Variants in SGSM1 observed in about 807,000 individuals in gnomAD.
The protein encoded by SGSM1 is RUN and TBC1 domain containing 2.
In SGSM1, 73 loss-of-function variants were observed where a neutral mutation model predicts 133.8. That is an observed-to-expected ratio of 0.55 (90% CI 0.45 to 0.66). The LOEUF is 0.66. Ranked by LOEUF, SGSM1 falls within the 30% of genes least tolerant of loss-of-function variation. SGSM1 has a pLI of 0.00. For synonymous variants in SGSM1, 563 were observed against 573.0 expected (o/e 0.98, Z 0.25); for missense variants, 1,213 against 1,448.1 (o/e 0.84, Z 2.64).
chr22:24,890,035 C>A (rs1264180110), intron 16 of SGSM1, among the ~76,000 whole-genome samples: 2 of 149,878 alleles, frequency 1.3e-5, no homozygotes, highest in African/African-American at 4.9e-5. Context: ...CGGCTCACTG[C>A]AAGCTCTGCC....
intron 3 of SGSM1, among the ~76,000 whole-genome samples, chr22:24,845,940 C>A: frequency 7.6e-6 from 1 of 130,806 alleles, no homozygotes; most frequent in East Asian, 2.3e-4. Context: ...CTTTTCTTTT[C>A]TTTTCTTTCT....
intron 12 of SGSM1, among the ~76,000 whole-genome samples, chr22:24,875,732 A>G (rs1759063876): frequency 6.6e-6 from 1 of 152,206 alleles, no homozygotes. Flanking sequence ...AGTTGACTAT[A>G]GAAATGGTAA....
Position 24,822,088 on chromosome 22 carries a change from C to CTCTTTTTTTTTTTTTTTTTTTTTTTTT in SGSM1, c.63+15605_63+15606insCTTTTTTTTTTTTTTTTTTTTTTTTTT, listed in dbSNP as rs1555920070. Among the ~76,000 whole-genome samples, 9 of 96,132 alleles carry CTCTTTTTTTTTTTTTTTTTTTTTTTTT rather than the reference C, an allele frequency of 9.4e-5. 1 individual carries two copies. The highest frequency in any genetic ancestry group is 3.9e-4 in the East Asian group (1 of 2,542). 63.1% of individuals were successfully genotyped at this position (96,132 alleles called of 152,430 possible). A position where few individuals can be genotyped will look rare whatever the true frequency, so the allele number is the denominator to read the frequency against. ...CCATGCTCTACCTGTTCATCTCTCT[C>CTCTTTTTTTTTTTTTTTTTTTTTTTTT]TTTTTTTTTTTTTTTTTTTTGAGAC... On this transcript the variant is annotated intron_variant, in intron 2 of 24. Coordinates refer to ENST00000400358, the MANE Select transcript of SGSM1 (RefSeq NM_001098497.3).
chr22:24,900,414 T>TCTTTTTCTTTCTTTCTTTCTTTCTTA (rs1484572431), intron 19 of SGSM1, among the ~76,000 whole-genome samples: 1 of 146,162 alleles, frequency 6.8e-6, no homozygotes, highest in East Asian at 2.0e-4. Flanking sequence ...TTTCTGTATT[T>TCTTTTTCTTTCTTTCTTTCTTTCTTA]TTGAGACAGA....
intron 21 of SGSM1, among the ~76,000 whole-genome samples, chr22:24,909,412 G>A (rs1013217197): frequency 4.6e-5 from 7 of 151,914 alleles, no homozygotes; most frequent in African/African-American, 1.7e-4. Context: ...CATTGCTGGT[G>A]GAATTGTAAA....
chr22:24,882,373 T>C (rs1319169138), intron 14 of SGSM1, among the ~76,000 whole-genome samples: 1 of 152,072 alleles, frequency 6.6e-6, no homozygotes, highest in African/African-American at 2.4e-5. Context: ...CCCCGCCCTG[T>C]TTTTTATTTA....
chr22:24,926,851 T>G lies in SGSM1; in HGVS notation c.*2577T>G, dbSNP rs897088474. 3.0e-3 allele frequency: 142 copies of G among 47,206 alleles called. No individual in the cohort carries two copies. Among genetic ancestry groups the G allele is most frequent in the African/African-American group, 8.0e-3 (126 of 15,728 alleles). 2.9% of individuals were successfully genotyped at this position (47,206 alleles called of 1,614,324 possible). A position where few individuals can be genotyped will look rare whatever the true frequency, so the allele number is the denominator to read the frequency against. On this transcript the variant is annotated 3_prime_UTR_variant, in exon 25 of 25. Transcript: ENST00000400358. ...ATAAACAGAGAAATATGTGAATCTG[T>G]TTTTTTTTGTCTTTTTTTTTTTAAT...
intron 3 of SGSM1, 33 bp from the exon 4 acceptor site, chr22:24,847,601 G>A: frequency 2.5e-6 from 4 of 1,606,452 alleles, no homozygotes; most frequent in Non-Finnish European, 3.4e-6. Context: ...TGCATGGGCA[G>A]GGCAGGGTCT....
At chr22:24,836,940 T>C (rs1929462202) in intron 2 of SGSM1, among the ~76,000 whole-genome samples, 1 of 152,270 alleles carries the variant, frequency 6.6e-6, no homozygotes, top group Admixed American at 6.5e-5. Flanking sequence ...AGTTTACCTA[T>C]TTTTAATTTT....
intron 16 of SGSM1, among the ~76,000 whole-genome samples, chr22:24,887,396 A>C (rs776122833): frequency 1.3e-5 from 2 of 152,196 alleles, no homozygotes; most frequent in African/African-American, 4.8e-5. Flanking sequence ...TTCACTCAGC[A>C]TAAAACCTCA....
intron 2 of SGSM1, chr22:24,844,670 G>C (rs1422674154): frequency 1.9e-6 from 1 of 538,660 alleles, no homozygotes; most frequent in Non-Finnish European, 3.3e-6. Flanking sequence ...GCAGCCTGCT[G>C]TGTGAAGAAC....
At chr22:24,853,775 T>A (rs1930621500) in intron 5 of SGSM1, among the ~76,000 whole-genome samples, 1 of 114,804 alleles carries the variant, frequency 8.7e-6, no homozygotes, top group Non-Finnish European at 1.9e-5. Context: ...GTGAATTTTT[T>A]TTTTTTTTTT....
intron 2 of SGSM1, among the ~76,000 whole-genome samples, chr22:24,821,300 G>A (rs1005061717): frequency 5.9e-5 from 9 of 152,236 alleles, no homozygotes; most frequent in African/African-American, 2.2e-4. Context: ...GCCTCCCAAA[G>A]TGCTGGGATT....
chr22:24,886,229 C>A (rs991604651), intron 15 of SGSM1, among the ~76,000 whole-genome samples: 3 of 151,862 alleles, frequency 2.0e-5, no homozygotes, highest in African/African-American at 7.2e-5. Flanking sequence ...GGTGAAACCC[C>A]GTCTCTACTA....
chr22:24,894,643 G>T (rs1932874153), intron 17 of SGSM1, among the ~76,000 whole-genome samples: 2 of 152,168 alleles, frequency 1.3e-5, no homozygotes, highest in South Asian at 4.1e-4. Context: ...TGCCTGGGGT[G>T]ACTCAGCTGT....
intron 2 of SGSM1, among the ~76,000 whole-genome samples, chr22:24,812,184 A>AAAAAG (rs1927788896): frequency 6.6e-6 from 1 of 150,388 alleles, no homozygotes; most frequent in African/African-American, 2.5e-5. Context: ...AAAGAAAAAA[A>AAAAAG]AAAAGAAAAG....
At chr22:24,819,541 G>A (rs943316844) in intron 2 of SGSM1, among the ~76,000 whole-genome samples, 4 of 152,226 alleles carry the variant, frequency 2.6e-5, no homozygotes, top group African/African-American at 7.2e-5. Context: ...AAATAGCAGA[G>A]CTGGAGATTG....
chr22:24,881,418 TAG>T, intron 14 of SGSM1, among the ~76,000 whole-genome samples: 1 of 147,332 alleles, frequency 6.8e-6, no homozygotes, highest in Non-Finnish European at 1.5e-5. Context: ...TACAAAAAAT[TAG>T]TCGGGTGTGG....
chr22:24,912,715 T>A lies in SGSM1; in HGVS notation c.2891T>A (p.Met964Lys). 1 of 1,613,752 alleles carries A rather than the reference T, an allele frequency of 6.2e-7. No individual in the cohort carries two copies. The highest frequency in any genetic ancestry group is 8.5e-7 in the Non-Finnish European group (1 of 1,179,868). ...CAGAACTTCCCCCACGGAGGCGCCA[T>A]GGACACGCACTTTGCAAACATGAGA... is the stretch of plus-strand genomic sequence containing the variant. ...MNQNFPHGGA[M>K]DTHFANMRSL... Residue 964 changes from methionine to lysine, a missense_variant, in exon 22 of 25, where the codon ATG becomes AAG. Coordinates refer to ENST00000400358, the MANE Select transcript of SGSM1 (RefSeq NM_001098497.3).
Sources: gnomAD v4.1 joint callset for allele counts (sites outside exome capture counted in the v4.1 genomes callset) on GRCh38, gnomAD v4.1.1 for gene constraint, MANE v1.5 for transcripts, NCBI Gene and HGNC (gene_info 2026-07-23, HGNC 2026-07-21) for gene names.